The following TVP23A variants were observed in gnomAD, a reference collection of about 807,000 sequenced individuals.
The protein encoded by TVP23A is trans-golgi network vesicle protein 23 homolog A.
TVP23A carries 21 observed loss-of-function variants against 31.7 expected under a neutral mutation model. That is an observed-to-expected ratio of 0.66 (90% CI 0.47 to 0.95). TVP23A has a LOEUF of 0.95. TVP23A is among the 40% of genes least tolerant of loss of function. The pLI is 0.00. For synonymous variants in TVP23A, 104 were observed against 96.0 expected (o/e 1.08, Z -0.49); for missense variants, 279 against 255.6 (o/e 1.09, Z -0.62).
chr16:10,781,013 A>C (rs549131710), intron 2 of TVP23A, among the ~76,000 whole-genome samples: 9 of 152,218 alleles, frequency 5.9e-5, no homozygotes, highest in African/African-American at 2.2e-4. Flanking sequence ...CAACATCCCC[A>C]ACCCCAGCCA....
At chr16:10,784,275 G>C (rs1340250651) in intron 2 of TVP23A, among the ~76,000 whole-genome samples, 8 of 147,530 alleles carry the variant, frequency 5.4e-5, no homozygotes, top group Admixed American at 5.4e-4. Context: ...GTTGCAGTGA[G>C]CCGAGATCTC....
chr16:10,812,868 G>A (rs372886214), intron 2 of TVP23A, among the ~76,000 whole-genome samples: 3 of 151,974 alleles, frequency 2.0e-5, no homozygotes, highest in East Asian at 1.9e-4. Flanking sequence ...GGAATTTTAC[G>A]CTGTGGGTTT....
At chr16:10,793,677 T>G (rs141008101) in intron 2 of TVP23A, among the ~76,000 whole-genome samples, 12 of 151,982 alleles carry the variant, frequency 7.9e-5, no homozygotes, top group African/African-American at 2.9e-4. Flanking sequence ...GGAGGATCAC[T>G]TGAGCTCAGG....
At chr16:10,785,755 C>T (rs1189948292) in intron 2 of TVP23A, among the ~76,000 whole-genome samples, 1 of 152,188 alleles carries the variant, frequency 6.6e-6, no homozygotes, top group Non-Finnish European at 1.5e-5. Flanking sequence ...CAGGCATCTG[C>T]TTCTCAGATC....
rs1262525183 is a variant in TVP23A, at chr16:10,774,084, C to G, written c.279G>C (p.Gln93His). The change falls in exon 4 of 8, where the codon CAG becomes CAC. Residue 93 changes from glutamine (Q) to histidine (H), a missense_variant. Transcript: ENST00000299866. ...AGTGGCTCTTCCCATCTTCATCTATCTGGTTCCACCATCGAAGGCCCACCA... is the reference window on the plus strand; with the variant it reads ...AGTGGCTCTTCCCATCTTCATCTATGTGGTTCCACCATCGAAGGCCCACCA... ...RLLVGLRWWN[Q>H]IDEDGKSHWI... 3.7e-6 allele frequency: 6 copies of G among 1,611,994 alleles called. No individual in the cohort carries two copies. The highest frequency in any genetic ancestry group is 4.2e-6 in the Non-Finnish European group (5 of 1,179,188).
chr16:10,818,076 C>A lies in TVP23A; in HGVS notation c.89+27G>T, dbSNP rs1314570020. The A allele has an allele frequency of 1.3e-6, 2 of 1,583,332 alleles. No homozygotes were observed. Among genetic ancestry groups the A allele is most frequent in the Non-Finnish European group, 1.7e-6 (2 of 1,159,736 alleles). ...AATGAATTTGCAGCTTTGGGGAACG[C>A]CTGACCCAAGCTCCATCCCAACACA... On this transcript the variant is annotated intron_variant, in intron 2 of 7. Coordinates refer to ENST00000299866, the MANE Select transcript of TVP23A (RefSeq NM_001079512.4). The surrounding 1 kb of genome is among the most constrained non-coding windows in gnomAD (Gnocchi z 4.7).
intron 2 of TVP23A, among the ~76,000 whole-genome samples, chr16:10,776,920 G>A (rs1310197049): frequency 6.6e-6 from 1 of 152,130 alleles, no homozygotes; most frequent in African/African-American, 2.4e-5. Flanking sequence ...TCACTCTCAT[G>A]GCCATCTTGG....
downstream of TVP23A, among the ~76,000 whole-genome samples, chr16:10,762,405 C>T (rs1372045124): frequency 6.6e-6 from 1 of 152,212 alleles, no homozygotes; most frequent in African/African-American, 2.4e-5. Flanking sequence ...GATGCCCACT[C>T]CCTGAGTGGC....
chr16:10,777,898 C>T lies in TVP23A; in HGVS notation c.90-2802G>A, dbSNP rs540426408. Among the ~76,000 whole-genome samples the T allele has an allele frequency of 4.6e-5, 7 of 152,110 alleles. No individual in the cohort carries two copies. The highest frequency in any genetic ancestry group is 1.0e-4 in the Non-Finnish European group (7 of 68,030). On this transcript the variant is annotated intron_variant, in intron 2 of 7. Coordinates refer to ENST00000299866, the MANE Select transcript of TVP23A (RefSeq NM_001079512.4). This position sits in a 1 kb window ranked among gnomAD's most constrained non-coding sequence, Gnocchi z 4.5. Reference sequence around the variant, plus strand: ...TGGTGGTGGGCGCCTGTAGTCCCAGCTACTCGGGACGCTGAGGCAGGAGAA... The same window carrying T: ...TGGTGGTGGGCGCCTGTAGTCCCAGTTACTCGGGACGCTGAGGCAGGAGAA...
intron 2 of TVP23A, among the ~76,000 whole-genome samples, chr16:10,801,527 G>A (rs2033694238): frequency 6.6e-6 from 1 of 152,082 alleles, no homozygotes; most frequent in South Asian, 2.1e-4. Flanking sequence ...CGCGATCTCA[G>A]CTCACTGCAA....
intron 3 of TVP23A, 38 bp from the exon 4 acceptor site, chr16:10,774,166 GGCAAAGA>G: frequency 6.7e-7 from 1 of 1,489,400 alleles, no homozygotes. Flanking sequence ...GCAGGTCACA[GGCAAAGA>G]GGCTTATTCA....
intron 2 of TVP23A, among the ~76,000 whole-genome samples, chr16:10,796,698 A>C (rs1456434412): frequency 6.6e-6 from 1 of 152,124 alleles, no homozygotes; most frequent in Non-Finnish European, 1.5e-5. Flanking sequence ...TCAGACTCCC[A>C]AAGTGCTGGG....
intron 2 of TVP23A, among the ~76,000 whole-genome samples, chr16:10,797,602 G>A (rs1010712503): frequency 4.6e-5 from 7 of 151,792 alleles, no homozygotes; most frequent in Admixed American, 6.6e-5. Context: ...GTGGTAGTGC[G>A]CACCTATAAT....
At chr16:10,759,653 G>T (rs574663075), downstream of TVP23A, among the ~76,000 whole-genome samples, 1 of 152,316 alleles carries the variant, frequency 6.6e-6, no homozygotes, top group Admixed American at 6.5e-5. The surrounding 1 kb of genome is among the most constrained non-coding windows in gnomAD (Gnocchi z 4.7). Flanking sequence ...GTGGGCACCT[G>T]TAATCCCAGC....
At chr16:10,786,699 C>A (rs1012915417) in intron 2 of TVP23A, among the ~76,000 whole-genome samples, 1 of 144,586 alleles carries the variant, frequency 6.9e-6, no homozygotes, top group African/African-American at 2.6e-5. Flanking sequence ...TGAAACGGGC[C>A]ACATCCTGGT....
At chr16:10,774,628 G>A (rs1474160425) in intron 3 of TVP23A, among the ~76,000 whole-genome samples, 1 of 120,482 alleles carries the variant, frequency 8.3e-6, no homozygotes, top group Non-Finnish European at 1.6e-5. Context: ...TTTTTTTTCC[G>A]AGACAGAGTT....
intron 2 of TVP23A, among the ~76,000 whole-genome samples, chr16:10,807,964 C>T (rs1255024895): frequency 1.3e-5 from 2 of 152,204 alleles, no homozygotes; most frequent in African/African-American, 2.4e-5. Context: ...CCTCTCACCT[C>T]AGCCTCCCTA....
At chr16:10,816,943 A>G (rs2034469607) in intron 2 of TVP23A, among the ~76,000 whole-genome samples, 1 of 151,960 alleles carries the variant, frequency 6.6e-6, no homozygotes, top group African/African-American at 2.4e-5. Context: ...ACACACACAC[A>G]CACACACACA....
At chr16:10,808,462 C>T (rs2034044405) in intron 2 of TVP23A, 1 of 453,184 alleles carries the variant, frequency 2.2e-6, no homozygotes, top group South Asian at 1.6e-5. Context: ...CAATGATCTT[C>T]TCAATATGAC....
Sources: gnomAD v4.1 joint callset for allele counts (sites outside exome capture counted in the v4.1 genomes callset) on GRCh38, gnomAD v4.1.1 for gene constraint, Gnocchi (gnomAD v3.1) non-coding constraint, MANE v1.5 for transcripts, NCBI Gene and HGNC (gene_info 2026-07-23, HGNC 2026-07-21) for gene names.